Variants in NUP153 observed in about 807,000 individuals in gnomAD.
NUP153 encodes nuclear pore complex protein Nup153.
Under a neutral mutation model 134.6 loss-of-function variants are expected in NUP153, and 27 were observed. That is an observed-to-expected ratio of 0.20 (90% CI 0.15 to 0.28). NUP153 has a LOEUF of 0.28. Among genes scored for constraint, NUP153 ranks in the 10% least tolerant of loss-of-function variants. NUP153 has a pLI of 1.00. For missense variants in NUP153, 1,821 were observed against 1,731.3 expected, an observed-to-expected ratio of 1.05 and a Z score of -0.92; for synonymous variants, 640 against 623.5, an observed-to-expected ratio of 1.03 and a Z score of -0.40.
chr6:17,631,548 G>T (rs1765254411), intron 17 of NUP153, among the ~76,000 whole-genome samples: 1 of 152,130 alleles, frequency 6.6e-6, no homozygotes, highest in South Asian at 2.1e-4. Context: ...TCTGTCCACT[G>T]AGTACACTTT....
At chr6:17,676,831 G>A (rs911583238) in intron 2 of NUP153, among the ~76,000 whole-genome samples, 2 of 152,202 alleles carry the variant, frequency 1.3e-5, no homozygotes, top group African/African-American at 4.8e-5. Flanking sequence ...GTAGGGAACT[G>A]TGCAGAGAGG....
Position 17,629,379 on chromosome 6 carries a change from A to C in NUP153, c.2820T>G (p.Ser940=). Reference sequence around the variant, plus strand: ...CTTCACTCATGGGGTTTATAGACCCAGAATCGGATGACACACCTATTTTGA... The same window carrying C: ...CTTCACTCATGGGGTTTATAGACCCCGAATCGGATGACACACCTATTTTGA... ...GGFKIGVSSD[S]GSINPMSEGF... The change falls in exon 18 of 22, where the codon TCT becomes TCG. Residue 940 remains serine (S), a synonymous_variant. Coordinates refer to ENST00000262077, the MANE Select transcript of NUP153 (RefSeq NM_005124.4). 6.2e-7 allele frequency: 1 copy of C among 1,613,946 alleles called. No homozygotes were observed. Among genetic ancestry groups the C allele is most frequent in the Non-Finnish European group, 8.5e-7 (1 of 1,179,892 alleles).
At position 17,675,109 on chromosome 6, in the gene NUP153, C is replaced by A; in HGVS notation, c.724-76G>T. 1.3e-6 allele frequency: 2 copies of A among 1,558,978 alleles called. No homozygotes were observed. ...GAGGTTGCAGTGAGTTAAGATCATG[C>A]TGCTACACACTCAAGCCTGGGCAAC... On this transcript the variant is annotated intron_variant, in intron 4 of 21. Coordinates refer to ENST00000262077, the MANE Select transcript of NUP153 (RefSeq NM_005124.4). The surrounding 1 kb of genome is among the most constrained non-coding windows in gnomAD (Gnocchi z 4.4).
chr6:17,677,168 GC>G lies in NUP153; in HGVS notation c.335-1399del, dbSNP rs541668705. Among the ~76,000 whole-genome samples the G allele has an allele frequency of 1.7e-3, 266 of 152,266 alleles. 1 individual carries two copies. Among genetic ancestry groups the G allele is most frequent in the African/African-American group, 6.1e-3 (253 of 41,554 alleles). ...GGGGAGACAGAGCTTGGAGGCTAAG[GC>G]CCACCACATTGGGAGGCTTAGGAAA... On this transcript the variant is annotated intron_variant, in intron 2 of 21. Transcript: ENST00000262077.
chr6:17,688,436 A>T lies in NUP153; in HGVS notation c.294T>A (p.Asp98Glu). 1 of 1,614,108 alleles carries T rather than the reference A, an allele frequency of 6.2e-7. No homozygotes were observed. Among genetic ancestry groups the T allele is most frequent in the Non-Finnish European group, 8.5e-7 (1 of 1,179,988 alleles). ...YADEESSNIT[D>E]GRITPEPAVS... ...CTGCTGGCTCAGGTGTGATTCTCCC[A>T]TCAGTAATATTAGAGCTCTCCTCAT... is the stretch of plus-strand genomic sequence containing the variant. Residue 98 changes from aspartate to glutamate, a missense_variant, in exon 2 of 22, where the codon GAT (aspartate) becomes GAA (glutamate). Asp to Glu is a conservative substitution (Grantham distance 45). Coordinates refer to ENST00000262077, the MANE Select transcript of NUP153 (RefSeq NM_005124.4).
chr6:17,687,546 C>T (rs1326925861), intron 2 of NUP153, among the ~76,000 whole-genome samples: 1 of 152,126 alleles, frequency 6.6e-6, no homozygotes, highest in Non-Finnish European at 1.5e-5. Context: ...TTAGGTTTGC[C>T]ATTTCTCTAA....
At chr6:17,643,786 TA>T (rs1765984496) in intron 14 of NUP153, among the ~76,000 whole-genome samples, 1 of 152,158 alleles carries the variant, frequency 6.6e-6, no homozygotes. Context: ...ATCGACTCCT[TA>T]AAAATCTGGG....
chr6:17,625,244 A>G lies in NUP153; in HGVS notation c.3902-411T>C, dbSNP rs925738791. Among the ~76,000 whole-genome samples the G allele has an allele frequency of 3.9e-5, 6 of 152,214 alleles. No individual in the cohort carries two copies. The highest frequency in any genetic ancestry group is 1.4e-4 in the African/African-American group (6 of 41,454). Reference sequence around the variant, plus strand: ...TTACTGACAACCTAACATTTTAAAAACAAAGCTTGGGGCCAGGCACAGTGG... The same window carrying G: ...TTACTGACAACCTAACATTTTAAAAGCAAAGCTTGGGGCCAGGCACAGTGG... On this transcript the variant is annotated intron_variant, in intron 19 of 21. Transcript: ENST00000262077. The surrounding 1 kb of genome is among the most constrained non-coding windows in gnomAD (Gnocchi z 4.7).
chr6:17,636,210 C>A (rs540025006), intron 16 of NUP153, among the ~76,000 whole-genome samples: 3 of 152,090 alleles, frequency 2.0e-5, no homozygotes, highest in African/African-American at 7.2e-5. Context: ...TGGCATGCAC[C>A]TGTAATTCCA....
At chr6:17,691,625 C>T (rs1769277700) in intron 1 of NUP153, among the ~76,000 whole-genome samples, 1 of 151,978 alleles carries the variant, frequency 6.6e-6, no homozygotes, top group Non-Finnish European at 1.5e-5. Flanking sequence ...ATTAGCCAGG[C>T]ATGATGGTGC....
At chr6:17,646,310 C>T (rs1007258060) in intron 13 of NUP153, among the ~76,000 whole-genome samples, 156 bp from the exon 14 acceptor site, 6 of 152,090 alleles carry the variant, frequency 3.9e-5, no homozygotes, top group Non-Finnish European at 7.3e-5. Flanking sequence ...CGGGTTCACG[C>T]CATTCTCCTG....
In NUP153 at chr6:17,631,343, G is replaced by A. The variant is rs180691234; in HGVS notation, c.2659+1307C>T. ...GAAAGCTAATTACAAAGTAGATAAAGCTTGCTATTATTTTTGTTTAATTTG... is the reference window on the plus strand; with the variant it reads ...GAAAGCTAATTACAAAGTAGATAAAACTTGCTATTATTTTTGTTTAATTTG... On this transcript the variant is annotated intron_variant, in intron 17 of 21. Transcript: ENST00000262077. Among the ~76,000 whole-genome samples the A allele has an allele frequency of 2.1e-3, 323 of 152,248 alleles. 4 individuals are homozygous for A. The highest frequency in any genetic ancestry group is 7.2e-3 in the African/African-American group (300 of 41,552).
intron 8 of NUP153, among the ~76,000 whole-genome samples, 171 bp from the exon 9 acceptor site, chr6:17,665,556 T>C (rs1767483426): frequency 6.6e-6 from 1 of 152,212 alleles, no homozygotes; most frequent in African/African-American, 2.4e-5. Flanking sequence ...ACCTAAGGTA[T>C]GTATTCATAT....
At chr6:17,636,356 T>C (rs1388485003) in intron 16 of NUP153, among the ~76,000 whole-genome samples, 2 of 146,662 alleles carry the variant, frequency 1.4e-5, no homozygotes, top group East Asian at 4.0e-4. Context: ...AAAAAAGGAA[T>C]GAAGATTCTA....
Position 17,632,667 on chromosome 6 carries a change from G to T in NUP153, c.2642C>A (p.Thr881Lys). 6.2e-7 allele frequency: 1 copy of T among 1,605,010 alleles called. No homozygotes were observed. Among genetic ancestry groups the T allele is most frequent in the Non-Finnish European group, 8.5e-7 (1 of 1,176,014 alleles). ...GGCCTTACCTTTAAACCCAGATTTT[G>T]TGCCTGGCTTTGCACTTTCACATGC... ...CLACESAKPG[T>K]KSGFKGFDTS... The change falls in exon 17 of 22, where the codon ACA becomes AAA. Residue 881 changes from threonine (T) to lysine (K), a missense_variant. Physicochemically the swap from Thr to Lys is moderately conservative, Grantham distance 78 (BLOSUM62 -1). Coordinates refer to ENST00000262077, the MANE Select transcript of NUP153 (RefSeq NM_005124.4).
In NUP153 at chr6:17,628,041, G is replaced by T. The variant is rs1765030447; in HGVS notation, c.3544+614C>A. ...CTTTGTACTGGTGCACTAAGTTTGG[G>T]GAAATTCTAGTTCACTAATCTGATT... is the stretch of plus-strand genomic sequence containing the variant. On this transcript the variant is annotated intron_variant, in intron 18 of 21. Transcript: ENST00000262077. This position sits in a 1 kb window ranked among gnomAD's most constrained non-coding sequence, Gnocchi z 5.4. 6.6e-6 allele frequency among the ~76,000 whole-genome samples: 1 copy of T among 152,086 alleles called. No homozygotes were observed. The highest frequency in any genetic ancestry group is 1.5e-5 in the Non-Finnish European group (1 of 68,010).
chr6:17,704,759 CTTTT>C (rs368556628), intron 1 of NUP153, among the ~76,000 whole-genome samples: 12,474 of 145,602 alleles, frequency 0.086, 640 homozygotes, highest in Non-Finnish European at 0.11. Flanking sequence ...CAAATCTTTA[CTTTT>C]TTTTTTTTTC....
Position 17,655,874 on chromosome 6 carries a change from A to G in NUP153, c.1395+5779T>C, listed in dbSNP as rs919938284. Among the ~76,000 whole-genome samples, 18 of 152,210 alleles carry G rather than the reference A, an allele frequency of 1.2e-4. 2 individuals carry two copies. Among genetic ancestry groups the G allele is most frequent in the Non-Finnish European group, 1.5e-5 (1 of 68,034 alleles). On this transcript the variant is annotated intron_variant, in intron 11 of 21. Coordinates refer to ENST00000262077, the MANE Select transcript of NUP153 (RefSeq NM_005124.4). ...GCAGCACTGCATTCAAAACAACTAT[A>G]TAATTGTGTATCCAAACCTATTCTA...
intron 14 of NUP153, among the ~76,000 whole-genome samples, chr6:17,643,410 T>C (rs1765960912): frequency 6.6e-6 from 1 of 152,176 alleles, no homozygotes; most frequent in Non-Finnish European, 1.5e-5. Context: ...AGACGGAGGT[T>C]GCGGTGAGCT....
Sources: allele counts gnomAD v4.1 joint callset (sites outside exome capture counted in the v4.1 genomes callset), GRCh38; gene constraint gnomAD v4.1.1; non-coding constraint Gnocchi (gnomAD v3.1); transcripts MANE v1.5; gene names NCBI Gene and HGNC (gene_info 2026-07-23, HGNC 2026-07-21).